Variants in HYCC2 observed in about 807,000 individuals in gnomAD.
HYCC2 encodes hyccin 2.
chr2:201,065,213 C>A, the HYCC2 span, among the ~76,000 whole-genome samples: 15 of 152,298 alleles, frequency 9.8e-5, no homozygotes, highest in Non-Finnish European at 2.2e-4. Flanking sequence ...TAAATGGAAT[C>A]ATGGAATATG....
chr2:201,038,828 G>A, the HYCC2 span, among the ~76,000 whole-genome samples: 1 of 151,792 alleles, frequency 6.6e-6, no homozygotes, highest in Non-Finnish European at 1.5e-5. Context: ...ACACCAACAT[G>A]GCACATGTAT....
At chr2:201,019,949 G>A in the HYCC2 span, among the ~76,000 whole-genome samples, 1 of 151,906 alleles carries the variant, frequency 6.6e-6, no homozygotes, top group African/African-American at 2.4e-5. Flanking sequence ...AATTAGCAGG[G>A]TGTGGTAGCA....
At chr2:201,051,732 A>G in the HYCC2 span, among the ~76,000 whole-genome samples, 1 of 152,194 alleles carries the variant, frequency 6.6e-6, no homozygotes, top group African/African-American at 2.4e-5. Flanking sequence ...ACTCATAAAG[A>G]TGTCAGTTCT....
the HYCC2 span, among the ~76,000 whole-genome samples, chr2:201,071,003 T>C: frequency 7.2e-5 from 11 of 152,232 alleles, no homozygotes; most frequent in African/African-American, 2.6e-4. Context: ...AACCTGCCAA[T>C]GTAAATGGCA....
the HYCC2 span, among the ~76,000 whole-genome samples, chr2:201,040,480 T>A: frequency 1.4e-4 from 21 of 150,926 alleles, 1 homozygote; most frequent in African/African-American, 4.9e-4. Context: ...TTTGTGAATC[T>A]CATAATTTTT....
At chr2:200,985,868 C>A in the HYCC2 span, among the ~76,000 whole-genome samples, 1 of 151,990 alleles carries the variant, frequency 6.6e-6, no homozygotes, top group African/African-American at 2.4e-5. Context: ...AAGTGTATGA[C>A]TCGATGTACT....
the HYCC2 span, among the ~76,000 whole-genome samples, chr2:201,033,145 TTGTATGTGTG>T: frequency 1.1e-4 from 15 of 135,472 alleles, no homozygotes; most frequent in South Asian, 2.2e-4. Flanking sequence ...AAAAAGCTAT[TTGTATGTGTG>T]TGTATGTGTG....
the HYCC2 span, chr2:201,022,882 T>A: frequency 6.2e-7 from 1 of 1,613,864 alleles, no homozygotes. Context: ...CAAGTGTTTT[T>A]TTCCGGTGTA....
At chr2:201,016,196 T>G in the HYCC2 span, among the ~76,000 whole-genome samples, 1 of 150,824 alleles carries the variant, frequency 6.6e-6, no homozygotes, top group Non-Finnish European at 1.5e-5. Flanking sequence ...TTTACATACT[T>G]TATAAAATAC....
the HYCC2 span, among the ~76,000 whole-genome samples, chr2:200,989,363 T>A: frequency 6.6e-6 from 1 of 152,226 alleles, no homozygotes; most frequent in Non-Finnish European, 1.5e-5. Context: ...TATGATGATA[T>A]AATTTTTTAA....
At chr2:201,064,946 G>A in the HYCC2 span, among the ~76,000 whole-genome samples, 2 of 152,162 alleles carry the variant, frequency 1.3e-5, no homozygotes, top group Non-Finnish European at 2.9e-5. Flanking sequence ...CCAGGAAATT[G>A]ACATTGCTAC....
the HYCC2 span, among the ~76,000 whole-genome samples, chr2:201,016,545 T>C: frequency 6.6e-6 from 1 of 151,966 alleles, no homozygotes; most frequent in African/African-American, 2.4e-5. Context: ...CCTCCTAAAG[T>C]GCTGGAATTA....
At chr2:200,990,573 T>G in the HYCC2 span, among the ~76,000 whole-genome samples, 1 of 150,796 alleles carries the variant, frequency 6.6e-6, no homozygotes, top group Non-Finnish European at 1.5e-5. Context: ...CGCTAAATTT[T>G]TTTTTCTTTT....
At chr2:201,010,565 A>G in the HYCC2 span, among the ~76,000 whole-genome samples, 1 of 152,178 alleles carries the variant, frequency 6.6e-6, no homozygotes, top group Non-Finnish European at 1.5e-5. Context: ...CTTCAGCCAA[A>G]TAAATATAAG....
the HYCC2 span, among the ~76,000 whole-genome samples, chr2:200,995,239 C>T: frequency 2.0e-5 from 3 of 152,106 alleles, no homozygotes; most frequent in African/African-American, 7.2e-5. Context: ...ATCAAAGTAA[C>T]AGCTAATTTA....
At chr2:201,036,513 C>T in the HYCC2 span, among the ~76,000 whole-genome samples, 109 of 152,234 alleles carry the variant, frequency 7.2e-4, no homozygotes, top group Middle Eastern at 0.01. Flanking sequence ...ACTGGCAAAC[C>T]GAATCCAGCA....
the HYCC2 span, among the ~76,000 whole-genome samples, chr2:201,034,821 G>A: frequency 2.0e-5 from 3 of 152,156 alleles, no homozygotes; most frequent in Non-Finnish European, 2.9e-5. Flanking sequence ...AAATCTCTCA[G>A]CATTCGCTTG....
the HYCC2 span, among the ~76,000 whole-genome samples, chr2:201,065,004 T>C: frequency 6.6e-6 from 1 of 152,220 alleles, no homozygotes; most frequent in Non-Finnish European, 1.5e-5. Context: ...AGCACTCATG[T>C]ATACGTGTGT....
chr2:201,062,864 T>TAA, the HYCC2 span, among the ~76,000 whole-genome samples: 2 of 148,192 alleles, frequency 1.3e-5, no homozygotes, highest in Non-Finnish European at 3.0e-5. Context: ...TTTATATATA[T>TAA]AATATATATA....
Sources: gnomAD v4.1 joint callset for allele counts (sites outside exome capture counted in the v4.1 genomes callset) on GRCh38, gnomAD v4.1.1 for gene constraint, MANE v1.5 for transcripts, NCBI Gene and HGNC (gene_info 2026-07-23, HGNC 2026-07-21) for gene names.